PITPNA: variants seen among roughly 807,000 people sequenced by gnomAD.
PITPNA encodes phosphatidylinositol transfer protein alpha isoform.
Under a neutral mutation model 50.3 loss-of-function variants are expected in PITPNA, and 13 were observed. The ratio of observed to expected loss-of-function variants is 0.26; its 90% CI spans 0.17 to 0.41. The LOEUF (loss-of-function observed/expected upper bound fraction) is 0.41, where lower values mean the gene tolerates loss of function less well. PITPNA is among the 10% of genes least tolerant of loss of function. PITPNA has a pLI of 1.00. For missense variants in PITPNA, 207 were observed against 333.4 expected, an observed-to-expected ratio of 0.62 and a Z score of 2.95; for synonymous variants, 120 against 119.6, an observed-to-expected ratio of 1.00 and a Z score of -0.02.
At chr17:1,531,667 A>G (rs1035034550) in intron 10 of PITPNA, among the ~76,000 whole-genome samples, 3 of 151,682 alleles carry the variant, frequency 2.0e-5, no homozygotes, top group African/African-American at 4.8e-5. Context: ...CACCTCTTAA[A>G]AAAAAAAAAG....
intron 10 of PITPNA, among the ~76,000 whole-genome samples, chr17:1,531,045 C>T (rs1252888324): frequency 6.6e-6 from 1 of 152,182 alleles, no homozygotes; most frequent in Non-Finnish European, 1.5e-5. Context: ...CCCTCCTTTC[C>T]TTCACAGCAA....
intron 2 of PITPNA, among the ~76,000 whole-genome samples, chr17:1,557,503 C>T (rs181699217): frequency 3.9e-5 from 6 of 152,120 alleles, no homozygotes; most frequent in East Asian, 1.9e-4. Flanking sequence ...GAAGCTGGGG[C>T]GGGGTGGGGC....
chr17:1,538,777 G>A lies in PITPNA; in HGVS notation c.456+92C>T. The A allele has an allele frequency of 5.5e-6, 4 of 721,462 alleles. No homozygotes were observed. In the South Asian group the frequency reaches 6.7e-5, roughly 12 times the overall value. 44.7% of individuals were successfully genotyped at this position (721,462 alleles called of 1,614,324 possible). ...GCAAGACACATCAGAATTTCCTTTT[G>A]TGCCAAGTTGGGTATGGTTTCCTGG... On this transcript the variant is annotated intron_variant, in intron 7 of 11. Coordinates refer to ENST00000313486, the MANE Select transcript of PITPNA (RefSeq NM_006224.4).
chr17:1,535,592 A>G (rs1215654412), intron 7 of PITPNA, 74 bp from the exon 8 acceptor site: 7 of 887,626 alleles, frequency 7.9e-6, no homozygotes, highest in South Asian at 2.7e-5. Flanking sequence ...CAGATCTTTC[A>G]TTAGCATTCA....
intron 7 of PITPNA, among the ~76,000 whole-genome samples, chr17:1,536,277 G>A (rs1361809084): frequency 6.7e-6 from 1 of 149,686 alleles, no homozygotes; most frequent in Non-Finnish European, 1.5e-5. Context: ...CCAAAGCTGA[G>A]AAGTTTTTTT....
intron 10 of PITPNA, among the ~76,000 whole-genome samples, chr17:1,528,958 T>G (rs1243481749): frequency 6.6e-6 from 1 of 150,592 alleles, no homozygotes; most frequent in Non-Finnish European, 1.5e-5. Flanking sequence ...GCCAACATGG[T>G]GAAACCCCAT....
intron 10 of PITPNA, among the ~76,000 whole-genome samples, chr17:1,530,699 G>A (rs952586038): frequency 6.6e-6 from 1 of 151,016 alleles, no homozygotes; most frequent in South Asian, 2.1e-4. Context: ...TGACATGACA[G>A]TAAAGGAATT....
intron 10 of PITPNA, among the ~76,000 whole-genome samples, chr17:1,523,857 T>C (rs892734493): frequency 6.6e-6 from 1 of 151,450 alleles, no homozygotes; most frequent in African/African-American, 2.4e-5. Context: ...CAGGGTCTCA[T>C]TGTATTGCCC....
At chr17:1,526,478 CTCTT>C (rs1177641153) in intron 10 of PITPNA, among the ~76,000 whole-genome samples, 1 of 152,230 alleles carries the variant, frequency 6.6e-6, no homozygotes, top group Non-Finnish European at 1.5e-5. Context: ...AAGTTTAAAA[CTCTT>C]TCATAATAGA....
At chr17:1,528,748 AAAAAG>A (rs2075562407) in intron 10 of PITPNA, among the ~76,000 whole-genome samples, 1 of 151,916 alleles carries the variant, frequency 6.6e-6, no homozygotes, top group Non-Finnish European at 1.5e-5. Flanking sequence ...TAAAAAAAAA[AAAAAG>A]AAAAGAAAAC....
chr17:1,543,544 C>T (rs1161112156), intron 4 of PITPNA, among the ~76,000 whole-genome samples: 4 of 152,138 alleles, frequency 2.6e-5, no homozygotes, highest in Non-Finnish European at 5.9e-5. Context: ...AATTATTTAT[C>T]AGAGAAAATG....
At chr17:1,528,880 G>T (rs2075563183) in intron 10 of PITPNA, among the ~76,000 whole-genome samples, 1 of 152,152 alleles carries the variant, frequency 6.6e-6, no homozygotes, top group South Asian at 2.1e-4. Flanking sequence ...GCTCACACCT[G>T]TAATCCCAAC....
At chr17:1,525,622 G>A (rs886534853) in intron 10 of PITPNA, among the ~76,000 whole-genome samples, 31 of 151,194 alleles carry the variant, frequency 2.1e-4, no homozygotes, top group South Asian at 2.1e-4. Flanking sequence ...GGGTTCAGGC[G>A]ATTCTCCTGC....
intron 4 of PITPNA, among the ~76,000 whole-genome samples, chr17:1,543,639 C>A (rs1384025289): frequency 1.3e-5 from 2 of 152,168 alleles, no homozygotes; most frequent in Non-Finnish European, 2.9e-5. Flanking sequence ...AATTTAGGAC[C>A]TATGTCCACT....
intron 1 of PITPNA, among the ~76,000 whole-genome samples, chr17:1,560,699 C>G (rs912978450): frequency 6.6e-6 from 1 of 152,210 alleles, no homozygotes; most frequent in Non-Finnish European, 1.5e-5. Context: ...AAAAGCCTGT[C>G]AGTCTGGACA....
At chr17:1,536,498 C>T (rs1022400642) in intron 7 of PITPNA, among the ~76,000 whole-genome samples, 1 of 152,148 alleles carries the variant, frequency 6.6e-6, no homozygotes, top group Admixed American at 6.5e-5. Flanking sequence ...ACCGTGTTAG[C>T]CAGGATGGTC....
chr17:1,539,990 G>A (rs2075640148), intron 6 of PITPNA, among the ~76,000 whole-genome samples: 3 of 152,210 alleles, frequency 2.0e-5, no homozygotes, highest in African/African-American at 2.4e-5. Context: ...ACCCGCCTTG[G>A]CCTCCCGCCC....
chr17:1,552,243 G>A lies in PITPNA; in HGVS notation c.197+761C>T, dbSNP rs114643647. On this transcript the variant is annotated intron_variant, in intron 3 of 11. Transcript: ENST00000313486. ...GTTAAAATGGTGAATTTTATGTTAC[G>A]TGTACTTTATCACAATTTTTAAAAA... is the stretch of plus-strand genomic sequence containing the variant. 1.8e-3 allele frequency among the ~76,000 whole-genome samples: 277 copies of A among 152,296 alleles called. 1 individual carries two copies. Among genetic ancestry groups the A allele is most frequent in the Middle Eastern group, 0.01 (3 of 294 alleles).
intron 3 of PITPNA, among the ~76,000 whole-genome samples, chr17:1,550,479 G>A (rs916400603): frequency 2.0e-5 from 3 of 152,150 alleles, no homozygotes; most frequent in African/African-American, 4.8e-5. Flanking sequence ...ACCGGTGCAG[G>A]TACAAGGTGG....
Sources: allele counts gnomAD v4.1 joint callset (sites outside exome capture counted in the v4.1 genomes callset), GRCh38; gene constraint gnomAD v4.1.1; transcripts MANE v1.5; gene names NCBI Gene and HGNC (gene_info 2026-07-23, HGNC 2026-07-21).